RAB3GAP2: variants seen among roughly 807,000 people sequenced by gnomAD.
RAB3GAP2 encodes rab3 GTPase-activating protein non-catalytic subunit.
A neutral mutation model predicts 185.3 loss-of-function variants in RAB3GAP2; 87 were observed. The ratio of observed to expected loss-of-function variants is 0.47; its 90% CI spans 0.39 to 0.56. The LOEUF is 0.56. Ranked by LOEUF, RAB3GAP2 falls within the 20% of genes least tolerant of loss-of-function variation. The pLI is 0.00. For synonymous variants in RAB3GAP2, 554 were observed against 576.1 expected, an observed-to-expected ratio of 0.96 and a Z score of 0.55; for missense variants, 1,492 against 1,638.2, an observed-to-expected ratio of 0.91 and a Z score of 1.54.
intron 28 of RAB3GAP2, 135 bp downstream of exon 28, chr1:220,162,062 AT>A: frequency 2.8e-6 from 2 of 715,982 alleles, no homozygotes; most frequent in South Asian, 3.4e-5. Context: ...TGGGCATTAC[AT>A]TTAACTGAGT....
chr1:220,252,566 A>C (rs1659955627), intron 1 of RAB3GAP2, among the ~76,000 whole-genome samples: 1 of 152,224 alleles, frequency 6.6e-6, no homozygotes, highest in African/African-American at 2.4e-5. Flanking sequence ...GAGGGAGTGG[A>C]GGGGGCGACG....
chr1:220,272,159 C>T, intron 1 of RAB3GAP2, 64 bp downstream of exon 1: 1 of 1,384,424 alleles, frequency 7.2e-7, no homozygotes, highest in Non-Finnish European at 1.0e-6. Context: ...GTAGGAGACT[C>T]GAACCCGTGA....
chr1:220,257,396 A>G (rs1468667684), intron 1 of RAB3GAP2, among the ~76,000 whole-genome samples: 2 of 152,068 alleles, frequency 1.3e-5, no homozygotes, highest in African/African-American at 4.8e-5. Context: ...ACAAAACAAA[A>G]AAAAACAAAA....
intron 21 of RAB3GAP2, 32 bp from the exon 22 acceptor site, chr1:220,172,774 A>C (rs779201581): frequency 6.0e-6 from 9 of 1,491,556 alleles, no homozygotes; most frequent in Non-Finnish European, 8.4e-6. Flanking sequence ...TTTCAGTCTA[A>C]AAAAAAATTT....
At position 220,184,051 on chromosome 1, in the gene RAB3GAP2, T is replaced by C. The variant is rs1658462561; in HGVS notation, c.1983A>G (p.Thr661=). 1 of 1,577,502 alleles carries C rather than the reference T, an allele frequency of 6.3e-7. No individual in the cohort carries two copies. The highest frequency in any genetic ancestry group is 8.7e-7 in the Non-Finnish European group (1 of 1,148,882). Residue 661 remains threonine (T), a synonymous_variant, in exon 19 of 35, where the codon ACA becomes ACG. Coordinates refer to ENST00000358951, the MANE Select transcript of RAB3GAP2 (RefSeq NM_012414.4). ...QLNSLDFHLD[T]PFSDNDLALL... Reference sequence around the variant, plus strand: ...GATTACTCACATTATCAGAGAATGGTGTGTCTAAATGAAAATCAAGGGAAT... The same window carrying C: ...GATTACTCACATTATCAGAGAATGGCGTGTCTAAATGAAAATCAAGGGAAT...
rs185262004 is a variant in RAB3GAP2 at position 220,169,663 on chromosome 1, T to C, written c.2806+1229A>G. On this transcript the variant is annotated intron_variant, in intron 24 of 34. Coordinates refer to ENST00000358951, the MANE Select transcript of RAB3GAP2 (RefSeq NM_012414.4). ...CAGTTGGATTCAAAGTCAAAAGTTA[T>C]TGGAGAGCAAGCTTAAGAGTTTATG... is the stretch of plus-strand genomic sequence containing the variant. Among the ~76,000 whole-genome samples the C allele has an allele frequency of 7.4e-4, 112 of 152,310 alleles. 1 individual carries two copies. Among genetic ancestry groups the C allele is most frequent in the South Asian group, 2.1e-4 (1 of 4,818 alleles).
In RAB3GAP2 at chr1:220,150,727, G is replaced by C. The variant is rs945552124; in HGVS notation, c.*524C>G. 3.2e-5 allele frequency: 5 copies of C among 156,396 alleles called. No individual in the cohort carries two copies. The highest frequency in any genetic ancestry group is 1.2e-4 in the African/African-American group (5 of 41,394). 9.7% of individuals were successfully genotyped at this position (156,396 alleles called of 1,614,324 possible). A position where few individuals can be genotyped will look rare whatever the true frequency, so the allele number is the denominator to read the frequency against. On this transcript the variant is annotated 3_prime_UTR_variant, in exon 35 of 35. Coordinates refer to ENST00000358951, the MANE Select transcript of RAB3GAP2 (RefSeq NM_012414.4). The stretch of plus-strand genomic sequence containing the variant: ...CTCTGATGGCAACAGCAGAACCTCT[G>C]GGAAAGGAACCTTTCGGTATCCAGA...
At chr1:220,266,343 T>C (rs1660225686) in intron 1 of RAB3GAP2, 1 of 379,596 alleles carries the variant, frequency 2.6e-6, no homozygotes, top group Non-Finnish European at 5.0e-6. Context: ...GACAGCTCCT[T>C]AACCGATCGA....
rs746827542 is a variant in RAB3GAP2, at chr1:220,151,596, T to C, written c.4026+10A>G. 34 of 1,605,716 alleles carry C rather than the reference T, an allele frequency of 2.1e-5. No homozygotes were observed. Among genetic ancestry groups the C allele is most frequent in the Middle Eastern group, 1.7e-4 (1 of 6,050 alleles). ...TGACCTTTTGCCTGATCTCGTTCTA[T>C]TGTACTGACCATTGCTTTCAGCCAA... On this transcript the variant is annotated intron_variant, in intron 34 of 34. Transcript: ENST00000358951.
chr1:220,175,359 C>T (rs1658267121), intron 21 of RAB3GAP2, among the ~76,000 whole-genome samples: 1 of 152,142 alleles, frequency 6.6e-6, no homozygotes, highest in Admixed American at 6.5e-5. Context: ...GCTTGGACTA[C>T]AGGCGCGAGC....
intron 24 of RAB3GAP2, among the ~76,000 whole-genome samples, chr1:220,170,188 TG>T (rs1424974794): frequency 2.0e-5 from 3 of 152,160 alleles, no homozygotes; most frequent in African/African-American, 7.2e-5. Context: ...AAACACCGCA[TG>T]TTCTCACTCA....
intron 27 of RAB3GAP2, 89 bp from the exon 28 acceptor site, chr1:220,162,357 T>C: frequency 1.2e-6 from 1 of 841,978 alleles, no homozygotes; most frequent in East Asian, 2.6e-5. Context: ...CTTATTAAAC[T>C]ATATAGACTA....
At chr1:220,240,683 G>A (rs764032349) in intron 1 of RAB3GAP2, among the ~76,000 whole-genome samples, 1 of 152,080 alleles carries the variant, frequency 6.6e-6, no homozygotes, top group Non-Finnish European at 1.5e-5. Context: ...ATAAAGAGGA[G>A]CGAGATAAAG....
intron 27 of RAB3GAP2, among the ~76,000 whole-genome samples, chr1:220,163,744 CAT>C (rs373160821): frequency 0.017 from 2,098 of 122,954 alleles, 60 homozygotes; most frequent in African/African-American, 0.053. Context: ...TAAATACATA[CAT>C]ATATATATAT....
At chr1:220,257,564 G>C (rs182363365) in intron 1 of RAB3GAP2, among the ~76,000 whole-genome samples, 2 of 152,210 alleles carry the variant, frequency 1.3e-5, no homozygotes, top group East Asian at 3.9e-4. Flanking sequence ...TCTCTGAGAT[G>C]CAGCTAAAAC....
chr1:220,254,374 C>G, intron 1 of RAB3GAP2: 1 of 1,613,036 alleles, frequency 6.2e-7, no homozygotes, highest in Non-Finnish European at 8.5e-7. Context: ...ATTATTTGTA[C>G]GAATTGGAGC....
intron 21 of RAB3GAP2, among the ~76,000 whole-genome samples, chr1:220,173,486 CTG>C (rs2102860170): frequency 6.6e-6 from 1 of 152,228 alleles, no homozygotes; most frequent in East Asian, 1.9e-4. Flanking sequence ...AAAAGACTGA[CTG>C]TTAGTTTAAA....
At chr1:220,253,028 G>A (rs1049096602) in intron 1 of RAB3GAP2, among the ~76,000 whole-genome samples, 16 of 152,184 alleles carry the variant, frequency 1.1e-4, no homozygotes, top group Admixed American at 7.2e-4. Flanking sequence ...TCCCAGGGGC[G>A]GAGGGGTGGC....
intron 2 of RAB3GAP2, among the ~76,000 whole-genome samples, chr1:220,232,010 T>TA (rs1259798678): frequency 6.6e-6 from 1 of 152,226 alleles, no homozygotes; most frequent in African/African-American, 2.4e-5. Context: ...CAATTAAAGT[T>TA]AGATTTTTTT....
Sources: allele counts gnomAD v4.1 joint callset (sites outside exome capture counted in the v4.1 genomes callset), GRCh38; gene constraint gnomAD v4.1.1; transcripts MANE v1.5; gene names NCBI Gene and HGNC (gene_info 2026-07-23, HGNC 2026-07-21).